RTN4: variants seen among roughly 807,000 people sequenced by gnomAD.
RTN4 encodes the protein reticulon-4.
A neutral mutation model predicts 90.4 loss-of-function variants in RTN4; 32 were observed. That is an observed-to-expected ratio of 0.35 (90% confidence interval 0.27 to 0.48). RTN4 has a LOEUF of 0.48. Among genes scored for constraint, RTN4 ranks in the 20% least tolerant of loss-of-function variants. The pLI, the probability that RTN4 is intolerant of heterozygous loss-of-function variation, is 0.99. For missense variants in RTN4, 1,706 were observed against 1,430.2 expected (o/e 1.19, Z -3.11); for synonymous variants, 629 against 552.5 (o/e 1.14, Z -1.94).
intron 1 of RTN4, among the ~76,000 whole-genome samples, chr2:55,092,605 G>C (rs1198212890): frequency 1.3e-5 from 2 of 152,178 alleles, no homozygotes; most frequent in Non-Finnish European, 2.9e-5. Context: ...ACACAAACTT[G>C]TGGAATGAGT....
At chr2:55,103,107 C>T (rs1667882443) in intron 1 of RTN4, among the ~76,000 whole-genome samples, 6 of 97,316 alleles carry the variant, frequency 6.2e-5, no homozygotes, top group African/African-American at 1.8e-4. Flanking sequence ...GGCAAAACTC[C>T]GGAAAAAAAA....
At chr2:55,083,917 C>G (rs1430598275) in intron 1 of RTN4, among the ~76,000 whole-genome samples, 1 of 152,146 alleles carries the variant, frequency 6.6e-6, no homozygotes, top group African/African-American at 2.4e-5. Context: ...GTCTTTGACC[C>G]TGGTTCCTGA....
intron 3 of RTN4, among the ~76,000 whole-genome samples, chr2:55,011,454 GATACTTATA>G (rs1680634345): frequency 6.6e-6 from 1 of 152,138 alleles, no homozygotes; most frequent in Non-Finnish European, 1.5e-5. Flanking sequence ...CAATTCACCT[GATACTTATA>G]TCTGCCTAAG....
At chr2:54,998,864 G>A (rs1439907020) in intron 3 of RTN4, among the ~76,000 whole-genome samples, 8 of 152,114 alleles carry the variant, frequency 5.3e-5, no homozygotes, top group Non-Finnish European at 1.2e-4. Flanking sequence ...AAGACAAAGA[G>A]TTTATACAGG....
intron 1 of RTN4, among the ~76,000 whole-genome samples, chr2:55,033,186 G>C (rs986490414): frequency 7.2e-5 from 11 of 151,980 alleles, no homozygotes; most frequent in African/African-American, 2.7e-4. Flanking sequence ...ACACCATAAG[G>C]GTCAAACTGA....
At chr2:55,004,668 C>A (rs1680079953) in intron 3 of RTN4, among the ~76,000 whole-genome samples, 1 of 152,042 alleles carries the variant, frequency 6.6e-6, no homozygotes, top group Admixed American at 6.6e-5. Flanking sequence ...CCTGGCTGAA[C>A]AATGGAGTTC....
intron 1 of RTN4, among the ~76,000 whole-genome samples, chr2:55,095,292 C>G (rs903755931): frequency 2.6e-5 from 4 of 151,692 alleles, no homozygotes; most frequent in African/African-American, 9.7e-5. Context: ...CCACTGCACT[C>G]TAGTCTGGGC....
At position 55,038,342 on chromosome 2, in the gene RTN4, A is replaced by C. The variant is rs563912236; in HGVS notation, c.557-10122T>G. Reference sequence around the variant, plus strand: ...TCAATAAAATTAATAGGCAAGCTACAGACTAGGAGAATATATTCACAACAC... The same window carrying C: ...TCAATAAAATTAATAGGCAAGCTACCGACTAGGAGAATATATTCACAACAC... On this transcript the variant is annotated intron_variant, in intron 1 of 8. Transcript: ENST00000337526. Among the ~76,000 whole-genome samples, 5 of 152,306 alleles carry C rather than the reference A, an allele frequency of 3.3e-5. No homozygotes were observed. The East Asian group carries it at 9.6e-4, about 29-fold the overall frequency.
At position 55,102,344 on chromosome 2, in the gene RTN4, T is replaced by C. The variant is rs984876982; in HGVS notation, c.-214+10176A>G. ...TTTCTGTGAAGGGCCAGATAGTAAA[T>C]CTTTTAGGATTTGTGGACCATGGAC... On this transcript the variant is annotated intron_variant, in intron 1 of 3. Coordinates refer to the RTN4 transcript ENST00000427710. 1.8e-4 allele frequency among the ~76,000 whole-genome samples: 27 copies of C among 152,198 alleles called. 1 individual carries two copies. Among genetic ancestry groups the C allele is most frequent in the African/African-American group, 6.5e-4 (27 of 41,500 alleles).
At chr2:55,125,464 C>A in the RTN4 span, among the ~76,000 whole-genome samples, 1 of 152,224 alleles carries the variant, frequency 6.6e-6, no homozygotes, top group South Asian at 2.1e-4. Flanking sequence ...TGAACAGATA[C>A]TTCTCAAAAG....
chr2:55,117,032 C>A (rs1250463025), upstream of RTN4, among the ~76,000 whole-genome samples: 1 of 152,056 alleles, frequency 6.6e-6, no homozygotes, highest in Non-Finnish European at 1.5e-5. Context: ...CGCCACCATG[C>A]CTGGCTGATT....
intron 3 of RTN4, among the ~76,000 whole-genome samples, chr2:54,993,544 T>C (rs572138654): frequency 6.6e-6 from 1 of 152,326 alleles, no homozygotes; most frequent in South Asian, 2.1e-4. Context: ...AACCTACCAC[T>C]TCCTTTCCTC....
chr2:55,093,925 T>C (rs941642236), intron 1 of RTN4, among the ~76,000 whole-genome samples: 34 of 152,294 alleles, frequency 2.2e-4, no homozygotes, highest in African/African-American at 7.0e-4. Flanking sequence ...TTTTATTCTA[T>C]TTATAAATGG....
chr2:55,072,290 C>T (rs1395453641), intron 2 of RTN4, among the ~76,000 whole-genome samples: 4 of 151,608 alleles, frequency 2.6e-5, no homozygotes, highest in African/African-American at 7.3e-5. Flanking sequence ...AGTGCAGTGG[C>T]GCGATCTCTG....
chr2:54,991,389 A>G (rs1050511525), intron 3 of RTN4, among the ~76,000 whole-genome samples: 1 of 152,258 alleles, frequency 6.6e-6, no homozygotes, highest in African/African-American at 2.4e-5. Context: ...TAATTAGTCT[A>G]TAATTTCTAC....
chr2:54,992,998 C>T (rs986012446), intron 3 of RTN4, among the ~76,000 whole-genome samples: 5 of 149,224 alleles, frequency 3.4e-5, no homozygotes, highest in African/African-American at 1.0e-4. Flanking sequence ...GGCGTGAACC[C>T]GAGAGGCGGA....
At chr2:55,057,804 C>G (rs1668216202) in intron 2 of RTN4, among the ~76,000 whole-genome samples, 1 of 151,966 alleles carries the variant, frequency 6.6e-6, no homozygotes. Context: ...GGCAACATAG[C>G]AAAAACCTAT....
At chr2:55,038,383 G>T (rs1682831058) in intron 1 of RTN4, among the ~76,000 whole-genome samples, 1 of 151,842 alleles carries the variant, frequency 6.6e-6, no homozygotes. Flanking sequence ...TCAGACCAAA[G>T]ATTTGTATTC....
intron 3 of RTN4, among the ~76,000 whole-genome samples, chr2:54,994,280 G>A (rs1679244869): frequency 6.6e-6 from 1 of 152,052 alleles, no homozygotes. Context: ...TCACAAGAAA[G>A]GAAAACTACA....
Sources: allele counts gnomAD v4.1 joint callset (sites outside exome capture counted in the v4.1 genomes callset), GRCh38; gene constraint gnomAD v4.1.1; transcripts MANE v1.5; gene names NCBI Gene and HGNC (gene_info 2026-07-23, HGNC 2026-07-21).